The following RAB28 variants were observed in gnomAD, a reference collection of about 807,000 sequenced individuals.
RAB28 encodes the protein ras-related protein Rab-28.
Under a neutral mutation model 31.7 loss-of-function variants are expected in RAB28, and 24 were observed. The observed-to-expected ratio is 0.76, with a 90% CI of 0.55 to 1.06. RAB28 has a LOEUF of 1.06. Ranked by LOEUF, RAB28 falls within the 50% of genes least tolerant of loss-of-function variation. RAB28 has a pLI of 0.00. For missense variants in RAB28, 254 were observed against 258.5 expected (o/e 0.98, Z 0.12); for synonymous variants, 100 against 90.4 (o/e 1.11, Z -0.60).
chr4:13,395,517 C>A (rs111439974), intron 4 of RAB28, among the ~76,000 whole-genome samples: 59 of 152,150 alleles, frequency 3.9e-4, no homozygotes, highest in African/African-American at 1.4e-3. Context: ...CACACTAATA[C>A]AAACAGCCAA....
intron 4 of RAB28, among the ~76,000 whole-genome samples, chr4:13,399,956 T>C (rs1711650146): frequency 6.6e-6 from 1 of 152,216 alleles, no homozygotes; most frequent in Non-Finnish European, 1.5e-5. Context: ...TTCCACATTC[T>C]AAGTAGAAAA....
chr4:13,477,999 G>A (rs1716442879), intron 2 of RAB28, among the ~76,000 whole-genome samples: 3 of 151,348 alleles, frequency 2.0e-5, no homozygotes, highest in South Asian at 4.1e-4. Context: ...CAAGAAGTTG[G>A]TGGCTTTTCA....
intron 4 of RAB28, among the ~76,000 whole-genome samples, chr4:13,421,190 C>T (rs1713117770): frequency 6.6e-6 from 1 of 152,016 alleles, no homozygotes; most frequent in African/African-American, 2.4e-5. Context: ...TAGGAATCCA[C>T]CTTACAAGGG....
rs916453358 is a variant in RAB28, at chr4:13,367,818, T to G, written c.*740A>C. 5 of 984,818 alleles carry G rather than the reference T, an allele frequency of 5.1e-6. No homozygotes were observed. The highest frequency in any genetic ancestry group is 6.2e-5 in the Admixed American group (1 of 16,256). 61.0% of individuals were successfully genotyped at this position (984,818 alleles called of 1,614,324 possible). On this transcript the variant is annotated 3_prime_UTR_variant, in exon 7 of 7. Coordinates refer to ENST00000330852, the MANE Select transcript of RAB28 (RefSeq NM_001017979.3). ...TAACTCATTCTCGGGAGTACTCTTATGCAGTTTGCAAGAGAAATTCCACGT... is the reference window on the plus strand; with the variant it reads ...TAACTCATTCTCGGGAGTACTCTTAGGCAGTTTGCAAGAGAAATTCCACGT...
intron 3 of RAB28, among the ~76,000 whole-genome samples, chr4:13,470,802 G>T (rs1347706162): frequency 6.6e-6 from 1 of 152,014 alleles, no homozygotes; most frequent in Non-Finnish European, 1.5e-5. Flanking sequence ...TCAATTCTTA[G>T]AACTAGTTCT....
At chr4:13,414,604 T>A (rs929941620) in intron 4 of RAB28, among the ~76,000 whole-genome samples, 24 of 152,338 alleles carry the variant, frequency 1.6e-4, no homozygotes, top group Middle Eastern at 3.4e-3. Flanking sequence ...CCAATTCATT[T>A]ATGAAGCTGA....
chr4:13,390,520 C>T (rs1729579707), intron 4 of RAB28, among the ~76,000 whole-genome samples: 1 of 152,038 alleles, frequency 6.6e-6, no homozygotes, highest in East Asian at 1.9e-4. Context: ...CAATGCCATC[C>T]CCATCAAGCT....
chr4:13,400,677 G>C (rs913271890), intron 4 of RAB28, among the ~76,000 whole-genome samples: 2 of 152,128 alleles, frequency 1.3e-5, no homozygotes, highest in African/African-American at 4.8e-5. Context: ...TCATCATTAA[G>C]TATGACATTA....
intron 4 of RAB28, among the ~76,000 whole-genome samples, chr4:13,384,827 G>A (rs773599789): frequency 4.6e-5 from 7 of 152,066 alleles, no homozygotes; most frequent in Non-Finnish European, 2.9e-5. Flanking sequence ...TCTAAATGAC[G>A]GCACTACTTC....
intron 4 of RAB28, among the ~76,000 whole-genome samples, chr4:13,409,054 C>T (rs956054446): frequency 6.6e-6 from 1 of 152,124 alleles, no homozygotes; most frequent in East Asian, 1.9e-4. Flanking sequence ...CTTTATTATA[C>T]TGTCTTTTAG....
intron 5 of RAB28, among the ~76,000 whole-genome samples, chr4:13,376,902 C>T (rs1728944844): frequency 6.6e-6 from 1 of 152,126 alleles, no homozygotes; most frequent in Non-Finnish European, 1.5e-5. Context: ...ACAGCTACCA[C>T]TTTAAAAAAC....
rs1728579434 is a variant in RAB28, at chr4:13,368,162, T to C, written c.*396A>G. On this transcript the variant is annotated 3_prime_UTR_variant, in exon 7 of 7. Coordinates refer to ENST00000330852, the MANE Select transcript of RAB28 (RefSeq NM_001017979.3). ...GCACTCTGAAGTATACTTTGACACATACAAGTTCCGATAAGAGAATGAAAT... is the reference window on the plus strand; with the variant it reads ...GCACTCTGAAGTATACTTTGACACACACAAGTTCCGATAAGAGAATGAAAT... 2 of 987,392 alleles carry C rather than the reference T, an allele frequency of 2.0e-6. No homozygotes were observed. The highest frequency in any genetic ancestry group is 4.7e-5 in the South Asian group (1 of 21,392). The allele number at this position is 987,392 out of a possible 1,614,324, so 61.2% of individuals were successfully genotyped here.
At chr4:13,468,839 CAAAG>C (rs1450054383) in intron 3 of RAB28, among the ~76,000 whole-genome samples, 2 of 148,600 alleles carry the variant, frequency 1.3e-5, no homozygotes, top group Non-Finnish European at 3.0e-5. Flanking sequence ...TAACCAAAAA[CAAAG>C]GGAGGGAGAG....
chr4:13,377,836 T>C (rs1354191777), intron 5 of RAB28, among the ~76,000 whole-genome samples: 1 of 152,154 alleles, frequency 6.6e-6, no homozygotes, highest in African/African-American at 2.4e-5. Flanking sequence ...ATTTTCAAAG[T>C]ACAGCCAAGG....
rs564642253 is a variant in RAB28 at position 13,451,264 on chromosome 4, G to C, written c.391+9435C>G. The stretch of plus-strand genomic sequence containing the variant: ...TGATACCTCATTGTGGTTTTGATTT[G>C]CATTTCCCTGATGATTAGTGATGTT... On this transcript the variant is annotated intron_variant, in intron 4 of 6. Coordinates refer to ENST00000330852, the MANE Select transcript of RAB28 (RefSeq NM_001017979.3). Among the ~76,000 whole-genome samples the C allele has an allele frequency of 1.8e-4, 27 of 151,832 alleles. No homozygotes were observed. In the South Asian group the frequency reaches 4.1e-3, roughly 23 times the overall value.
intron 4 of RAB28, among the ~76,000 whole-genome samples, chr4:13,411,220 A>T (rs1162975946): frequency 1.3e-5 from 2 of 152,324 alleles, no homozygotes; most frequent in Non-Finnish European, 2.9e-5. Context: ...GAACAAAAAA[A>T]CAGCCCAAAC....
chr4:13,403,541 G>A (rs943980348), intron 4 of RAB28, among the ~76,000 whole-genome samples: 7 of 152,136 alleles, frequency 4.6e-5, no homozygotes, highest in East Asian at 1.9e-4. Context: ...AGTTTTATTC[G>A]TTCTTTTATT....
intron 4 of RAB28, among the ~76,000 whole-genome samples, chr4:13,422,055 G>GA (rs544161876): frequency 0.013 from 1,763 of 138,662 alleles, 12 homozygotes; most frequent in Non-Finnish European, 0.019. Flanking sequence ...AAACTTACAA[G>GA]AAAAAAAAAA....
In RAB28 at chr4:13,397,530, CCTA is replaced by C. The variant is rs372524997; in HGVS notation, c.392-15939_392-15937del. ...AAATTTAAATCTATTAACATATATTCCTACTAATTATAATAAAAGTCCTACTAA... is the reference window on the plus strand; with the variant it reads ...AAATTTAAATCTATTAACATATATTCCTAATTATAATAAAAGTCCTACTAA... On this transcript the variant is annotated intron_variant, in intron 4 of 6. Coordinates refer to ENST00000330852, the MANE Select transcript of RAB28 (RefSeq NM_001017979.3). 9.9e-5 allele frequency among the ~76,000 whole-genome samples: 15 copies of C among 152,004 alleles called. No homozygotes were observed. In the South Asian group the frequency reaches 2.9e-3, roughly 30 times the overall value.
Sources: gnomAD v4.1 joint callset for allele counts (sites outside exome capture counted in the v4.1 genomes callset) on GRCh38, gnomAD v4.1.1 for gene constraint, MANE v1.5 for transcripts, NCBI Gene and HGNC (gene_info 2026-07-23, HGNC 2026-07-21) for gene names.